The following MILR1 variants were observed in gnomAD, a reference collection of about 807,000 sequenced individuals.
MILR1 encodes the protein mast cell immunoglobulin like receptor 1.
In MILR1, 31 loss-of-function variants were observed where a neutral mutation model predicts 18.5. The observed-to-expected ratio is 1.68, with a 90% confidence interval of 1.26 to 2.26. The LOEUF (loss-of-function observed/expected upper bound fraction) is 2.26, where lower values mean the gene tolerates loss of function less well. MILR1 is among the 30% of genes most tolerant of loss of function. The pLI, the probability that MILR1 is intolerant of heterozygous loss-of-function variation, is 0.00. For synonymous variants in MILR1, 85 were observed against 56.2 expected (o/e 1.51, Z -2.30); for missense variants, 257 against 157.4 (o/e 1.63, Z -3.38).
the MILR1 span, among the ~76,000 whole-genome samples, chr17:64,474,401 G>A: frequency 6.6e-6 from 1 of 151,950 alleles, no homozygotes. Context: ...TTGAGACAGG[G>A]TCTTGCTCTG....
intron 3 of MILR1, among the ~76,000 whole-genome samples, chr17:64,455,003 GA>G (rs1185318137): frequency 9.4e-5 from 14 of 148,198 alleles, no homozygotes; most frequent in African/African-American, 2.7e-4. Context: ...CCTGTCTCAA[GA>G]AAAAAAAAAT....
intron 2 of MILR1, among the ~76,000 whole-genome samples, chr17:64,450,059 C>A (rs1267748976): frequency 6.6e-6 from 1 of 152,026 alleles, no homozygotes; most frequent in Non-Finnish European, 1.5e-5. Flanking sequence ...CTGCCTCAGC[C>A]TCCCGAGTAG....
chr17:64,459,174 T>C (rs2037367770), intron 4 of MILR1, among the ~76,000 whole-genome samples: 1 of 152,190 alleles, frequency 6.6e-6, no homozygotes, highest in African/African-American at 2.4e-5. Flanking sequence ...GGCTCACACC[T>C]GTAATTCCAG....
At chr17:64,470,700 C>T (rs1555664422), downstream of MILR1, among the ~76,000 whole-genome samples, 2 of 152,160 alleles carry the variant, frequency 1.3e-5, no homozygotes, top group African/African-American at 2.4e-5. Context: ...CCCACCCTTT[C>T]GATCAGATCC....
intron 4 of MILR1, among the ~76,000 whole-genome samples, chr17:64,459,332 A>G (rs1171706206): frequency 2.6e-5 from 4 of 151,984 alleles, no homozygotes; most frequent in African/African-American, 4.8e-5. Context: ...TACTCAGAGG[A>G]TGAGGTAGGA....
chr17:64,496,298 A>T, the MILR1 span: 2 of 722,214 alleles, frequency 2.8e-6, no homozygotes, highest in Non-Finnish European at 4.8e-6. Context: ...AGAACTAACT[A>T]ACTTCCTTGC....
At chr17:64,468,212 G>T (rs2037623348) in intron 9 of MILR1, 98 bp from the exon 10 acceptor site, 1 of 455,910 alleles carries the variant, frequency 2.2e-6, no homozygotes, top group South Asian at 1.5e-5. Context: ...AGCTTCTGGG[G>T]CTCCAGACAT....
At chr17:64,474,466 C>T in the MILR1 span, among the ~76,000 whole-genome samples, 2 of 152,190 alleles carry the variant, frequency 1.3e-5, no homozygotes, top group African/African-American at 2.4e-5. Flanking sequence ...CTTTGACTCC[C>T]CGGGCTCAAG....
In MILR1 at chr17:64,466,458, A is replaced by G. The variant is rs1555663206; in HGVS notation, c.870A>G (p.Pro290=). 1.2e-6 allele frequency: 2 copies of G among 1,613,722 alleles called. No individual in the cohort carries two copies. The highest frequency in any genetic ancestry group is 1.7e-6 in the Non-Finnish European group (2 of 1,179,778). ...ATTTTACAGAGGAGGAATCTGTGCC[A>G]GAAGTGGGATCCAGGCCGTGTGTTT... ...LEKQAKEESV[P]EVGSRPCVST... Residue 290 remains proline (P), a synonymous_variant, in exon 7 of 10, where the codon CCA becomes CCG. Transcript: ENST00000619286.
the MILR1 span, chr17:64,480,476 C>A: frequency 1.6e-6 from 1 of 617,594 alleles, no homozygotes; most frequent in East Asian, 3.2e-5. Context: ...ACAAATCACC[C>A]TCTTCAATCT....
chr17:64,481,966 T>TACTC, the MILR1 span, among the ~76,000 whole-genome samples: 41,875 of 151,820 alleles, frequency 0.28, 11,128 homozygotes, highest in African/African-American at 0.7. Context: ...TTACTATGTC[T>TACTC]ACTCACTAAA....
chr17:64,475,839 C>T, the MILR1 span, among the ~76,000 whole-genome samples: 4 of 124,472 alleles, frequency 3.2e-5, no homozygotes, highest in South Asian at 2.6e-4. Flanking sequence ...TTTGAGACAG[C>T]GTCTCACTGT....
At chr17:64,494,149 C>T in the MILR1 span, among the ~76,000 whole-genome samples, 1 of 152,128 alleles carries the variant, frequency 6.6e-6, no homozygotes, top group African/African-American at 2.4e-5. Context: ...GCCTCCTTTC[C>T]CCCTTAATTT....
intron 3 of MILR1, among the ~76,000 whole-genome samples, chr17:64,457,073 A>G (rs1180001762): frequency 1.3e-5 from 2 of 152,150 alleles, no homozygotes; most frequent in Middle Eastern, 3.2e-3. Context: ...TCATTGACAA[A>G]ATTATATTCA....
chr17:64,464,378 G>A (rs928919903), intron 5 of MILR1, among the ~76,000 whole-genome samples: 1 of 151,054 alleles, frequency 6.6e-6, no homozygotes, highest in Non-Finnish European at 1.5e-5. Context: ...CCAAAGTGCT[G>A]GGATTACAGT....
the MILR1 span, chr17:64,485,659 A>C: frequency 7.5e-6 from 9 of 1,204,748 alleles, no homozygotes; most frequent in East Asian, 2.1e-4. Context: ...AACCGAGCAC[A>C]CTAACATTAA....
chr17:64,487,392 T>TCCCAGCACATCGGGAGGC, the MILR1 span: 3 of 152,222 alleles, frequency 2.0e-5, no homozygotes, highest in Middle Eastern at 6.8e-3. Context: ...GGTGGACGAA[T>TCCCAGCACATCGGGAGGC]CACTTGAGTT....
the MILR1 span, among the ~76,000 whole-genome samples, chr17:64,494,839 C>T: frequency 5.9e-5 from 9 of 152,132 alleles, no homozygotes; most frequent in East Asian, 5.8e-4. Flanking sequence ...ACCCCAGACC[C>T]GGAATCAGCC....
chr17:64,492,828 C>T, the MILR1 span: 2 of 1,602,538 alleles, frequency 1.2e-6, no homozygotes, highest in Admixed American at 3.3e-5. Context: ...TATAATTTAT[C>T]CCAAGTGGAA....
Sources: gnomAD v4.1 joint callset for allele counts (sites outside exome capture counted in the v4.1 genomes callset) on GRCh38, gnomAD v4.1.1 for gene constraint, MANE v1.5 for transcripts, NCBI Gene and HGNC (gene_info 2026-07-23, HGNC 2026-07-21) for gene names.